The following GABRB3 variants were observed in gnomAD, a reference collection of about 807,000 sequenced individuals.
GABRB3 encodes the protein gamma-aminobutyric acid receptor subunit beta-3.
In GABRB3, 14 loss-of-function variants were observed where a neutral mutation model predicts 52.1. The ratio of observed to expected loss-of-function variants is 0.27; its 90% CI spans 0.18 to 0.42. The LOEUF (loss-of-function observed/expected upper bound fraction) is 0.42. Ranked by LOEUF, GABRB3 falls within the 10% of genes least tolerant of loss-of-function variation. GABRB3 has a pLI of 1.00. For synonymous variants in GABRB3, 260 were observed against 232.3 expected (o/e 1.12, Z -1.08); for missense variants, 307 against 609.1 (o/e 0.50, Z 5.22).
chr15:26,693,697 G>C (rs2140668075), intron 3 of GABRB3, among the ~76,000 whole-genome samples: 1 of 152,314 alleles, frequency 6.6e-6, no homozygotes, highest in South Asian at 2.1e-4. Context: ...ACTGGAGAGA[G>C]AGAGAGAGAG....
chr15:26,566,369 G>C (rs1004271105), intron 7 of GABRB3, among the ~76,000 whole-genome samples: 2 of 152,102 alleles, frequency 1.3e-5, no homozygotes, highest in Non-Finnish European at 2.9e-5. Flanking sequence ...ATACACACAT[G>C]TACTTACATT....
chr15:26,609,027 C>T (rs925005228), intron 4 of GABRB3, among the ~76,000 whole-genome samples: 2 of 151,284 alleles, frequency 1.3e-5, no homozygotes, highest in African/African-American at 4.9e-5. Context: ...TAACAGTAGC[C>T]ATGTTATGGA....
At chr15:26,704,041 G>T (rs1024315808) in intron 3 of GABRB3, among the ~76,000 whole-genome samples, 3 of 152,214 alleles carry the variant, frequency 2.0e-5, no homozygotes, top group Admixed American at 1.3e-4. Context: ...GTCTGTGATG[G>T]TTCCACCCCT....
chr15:26,706,588 T>C (rs539387371), intron 3 of GABRB3, among the ~76,000 whole-genome samples: 1 of 152,146 alleles, frequency 6.6e-6, no homozygotes, highest in Non-Finnish European at 1.5e-5. Context: ...CCTTTTCTGA[T>C]AAAATCTGCA....
intron 3 of GABRB3, among the ~76,000 whole-genome samples, chr15:26,696,208 C>T (rs1888732989): frequency 6.6e-6 from 1 of 152,140 alleles, no homozygotes; most frequent in Admixed American, 6.5e-5. Flanking sequence ...GTAAACAGTG[C>T]AGTCTCTGTC....
intron 8 of GABRB3, among the ~76,000 whole-genome samples, chr15:26,558,733 T>C (rs1889852509): frequency 6.6e-6 from 1 of 151,826 alleles, no homozygotes; most frequent in Non-Finnish European, 1.5e-5. Flanking sequence ...CAAAACCCTG[T>C]CTCTACTAAA....
intron 3 of GABRB3, among the ~76,000 whole-genome samples, chr15:26,714,816 T>C (rs888361010): frequency 2.6e-5 from 4 of 152,070 alleles, no homozygotes; most frequent in African/African-American, 4.8e-5. Context: ...TAAAGGTGCA[T>C]AGGAAATCAC....
intron 8 of GABRB3, among the ~76,000 whole-genome samples, chr15:26,550,651 G>A (rs965666137): frequency 5.3e-5 from 8 of 152,182 alleles, no homozygotes; most frequent in African/African-American, 1.4e-4. Context: ...CTCAGTTTAC[G>A]ACAGGGAGCT....
intron 3 of GABRB3, among the ~76,000 whole-genome samples, chr15:26,626,147 G>A (rs1214117715): frequency 6.6e-6 from 1 of 152,016 alleles, no homozygotes; most frequent in Non-Finnish European, 1.5e-5. Flanking sequence ...TATTGGTTAT[G>A]GTGACCTATA....
rs186118443 is a variant in GABRB3, at chr15:26,769,461, T to C, written c.240+2941A>G. 2.2e-4 allele frequency among the ~76,000 whole-genome samples: 33 copies of C among 152,320 alleles called. 1 individual carries two copies. The East Asian group carries it at 5.8e-3, about 27-fold the overall frequency. On this transcript the variant is annotated intron_variant, in intron 3 of 8. Transcript: ENST00000311550. ...CCTGCTTTAAAACCTTTACCATTTATAGGCTCCTTATTTCCTGAAATTATC... is the reference window on the plus strand; with the variant it reads ...CCTGCTTTAAAACCTTTACCATTTACAGGCTCCTTATTTCCTGAAATTATC...
At chr15:26,650,584 A>G (rs2140589030) in intron 3 of GABRB3, among the ~76,000 whole-genome samples, 1 of 152,216 alleles carries the variant, frequency 6.6e-6, no homozygotes, top group East Asian at 2.0e-4. Flanking sequence ...AAGACAATTT[A>G]AAGCCTGGAA....
At chr15:26,751,518 C>T (rs1890507807) in intron 3 of GABRB3, among the ~76,000 whole-genome samples, 2 of 152,102 alleles carry the variant, frequency 1.3e-5, no homozygotes, top group Admixed American at 6.5e-5. Flanking sequence ...TGAAAGTAAC[C>T]ACCTCCACTG....
intron 3 of GABRB3, among the ~76,000 whole-genome samples, chr15:26,635,838 A>G (rs1893041861): frequency 6.6e-6 from 1 of 152,174 alleles, no homozygotes; most frequent in Non-Finnish European, 1.5e-5. Flanking sequence ...GAGATGTGCT[A>G]TTTTTAGAGA....
chr15:26,702,866 A>G (rs1015342271), intron 3 of GABRB3, among the ~76,000 whole-genome samples: 18 of 152,282 alleles, frequency 1.2e-4, no homozygotes, highest in African/African-American at 4.1e-4. Flanking sequence ...CATAAATACC[A>G]TCTCTCAAAT....
intron 3 of GABRB3, among the ~76,000 whole-genome samples, chr15:26,681,143 AAACC>A (rs1426370864): frequency 6.7e-6 from 1 of 149,024 alleles, no homozygotes. Flanking sequence ...AGAAATAAAC[AAACC>A]AACCAACCAG....
intron 8 of GABRB3, among the ~76,000 whole-genome samples, chr15:26,554,175 AG>A (rs1386893972): frequency 0.018 from 251 of 14,250 alleles, 27 homozygotes; most frequent in African/African-American, 0.032. Flanking sequence ...ATATATATAA[AG>A]TATATATATA....
At chr15:26,643,292 A>G (rs1398269827) in intron 3 of GABRB3, among the ~76,000 whole-genome samples, 1 of 152,172 alleles carries the variant, frequency 6.6e-6, no homozygotes, top group Non-Finnish European at 1.5e-5. Flanking sequence ...ATGGTGGAAC[A>G]CAGCCTCAGA....
chr15:26,645,624 G>C (rs974641662), intron 3 of GABRB3, among the ~76,000 whole-genome samples: 1 of 152,120 alleles, frequency 6.6e-6, no homozygotes, highest in Non-Finnish European at 1.5e-5. Context: ...CCAGCTTAAT[G>C]GTTCTACTCC....
At position 26,759,729 on chromosome 15, in the gene GABRB3, AT is replaced by A. The variant is rs1179347911; in HGVS notation, c.240+12672del. ...GATTATGAACTCAAAGAATGTTAAG[AT>A]TGTTACAGAAATACCACAAAAGATT... On this transcript the variant is annotated intron_variant, in intron 3 of 8. Transcript: ENST00000311550. 1.6e-4 allele frequency among the ~76,000 whole-genome samples: 24 copies of A among 152,240 alleles called. 1 individual carries two copies. The highest frequency in any genetic ancestry group is 2.9e-5 in the Non-Finnish European group (2 of 68,046).
Sources: allele counts gnomAD v4.1 joint callset (sites outside exome capture counted in the v4.1 genomes callset), GRCh38; gene constraint gnomAD v4.1.1; transcripts MANE v1.5; gene names NCBI Gene and HGNC (gene_info 2026-07-23, HGNC 2026-07-21).